The following LRIG1 variants were observed in gnomAD, a reference collection of about 807,000 sequenced individuals.
The protein encoded by LRIG1 is leucine rich repeats and immunoglobulin like domains 1.
Under a neutral mutation model 99.2 loss-of-function variants are expected in LRIG1, and 48 were observed. The ratio of observed to expected loss-of-function variants is 0.48; its 90% CI spans 0.38 to 0.62. LRIG1 has a LOEUF of 0.62. LRIG1 is among the 20% of genes least tolerant of loss of function. The probability of loss-of-function intolerance (pLI) is 0.00; values close to 1 mark genes in which losing one functional copy is unlikely to be tolerated. For missense variants in LRIG1, 1,646 were observed against 1,434.4 expected (o/e 1.15, Z -2.38); for synonymous variants, 772 against 596.1 (o/e 1.29, Z -4.30).
chr3:66,468,876 T>C (rs1023433814), intron 1 of LRIG1: 11 of 152,222 alleles, frequency 7.2e-5, no homozygotes, highest in African/African-American at 2.7e-4. Flanking sequence ...AGGAATTACA[T>C]AGTACACATC....
chr3:66,474,862 C>A (rs1212491798), intron 1 of LRIG1, among the ~76,000 whole-genome samples: 4 of 152,194 alleles, frequency 2.6e-5, no homozygotes, highest in African/African-American at 9.7e-5. Context: ...TAAAGCCAAT[C>A]ACCAGCAAAG....
chr3:66,395,054 T>C (rs1701790973), intron 11 of LRIG1, among the ~76,000 whole-genome samples: 1 of 152,244 alleles, frequency 6.6e-6, no homozygotes, highest in Admixed American at 6.5e-5. Flanking sequence ...CATTCCTTCC[T>C]GAGGAGTCAC....
At chr3:66,470,115 T>A (rs1232172848) in intron 1 of LRIG1, among the ~76,000 whole-genome samples, 1 of 152,166 alleles carries the variant, frequency 6.6e-6, no homozygotes, top group Admixed American at 6.5e-5. Context: ...CAGCTTTTCT[T>A]GAAAATAATC....
chr3:66,496,298 C>T (rs567121718), intron 1 of LRIG1, among the ~76,000 whole-genome samples: 4 of 152,214 alleles, frequency 2.6e-5, no homozygotes, highest in Non-Finnish European at 5.9e-5. Context: ...TTACATGGGG[C>T]GCTGGGAATC....
chr3:66,444,250 G>C (rs1387417268), intron 3 of LRIG1, among the ~76,000 whole-genome samples: 1 of 152,166 alleles, frequency 6.6e-6, no homozygotes, highest in African/African-American at 2.4e-5. Flanking sequence ...GGTCTGCTGG[G>C]CAGACTTGAG....
At chr3:66,415,516 A>G (rs1338955776) in intron 4 of LRIG1, among the ~76,000 whole-genome samples, 1 of 152,232 alleles carries the variant, frequency 6.6e-6, no homozygotes, top group East Asian at 1.9e-4. Flanking sequence ...TTTAGTTTTG[A>G]GGTGGGTCTT....
intron 3 of LRIG1, among the ~76,000 whole-genome samples, chr3:66,425,188 C>T (rs1462990240): frequency 6.6e-6 from 1 of 152,212 alleles, no homozygotes; most frequent in South Asian, 2.1e-4. Context: ...CTATCTAGCC[C>T]GTCCGAGAGG....
At chr3:66,405,378 G>A (rs938680416) in intron 8 of LRIG1, 100 bp from the exon 9 acceptor site, 1 of 911,274 alleles carries the variant, frequency 1.1e-6, no homozygotes, top group Admixed American at 1.9e-5. Context: ...TCCCCTGGGT[G>A]CATGCACCCT....
chr3:66,380,990 C>A, intron 17 of LRIG1, 129 bp from the exon 18 acceptor site: 1 of 849,310 alleles, frequency 1.2e-6, no homozygotes, highest in Admixed American at 2.7e-5. Flanking sequence ...ATGCATGCTT[C>A]CTCTTTTCCC....
intron 2 of LRIG1, among the ~76,000 whole-genome samples, chr3:66,452,140 C>G (rs1281987879): frequency 6.6e-6 from 1 of 151,882 alleles, no homozygotes; most frequent in African/African-American, 2.4e-5. Context: ...GGGAACTGGA[C>G]TCAGAGACTC....
At chr3:66,422,688 G>A (rs978284592) in intron 3 of LRIG1, among the ~76,000 whole-genome samples, 2 of 152,148 alleles carry the variant, frequency 1.3e-5, no homozygotes, top group Non-Finnish European at 2.9e-5. Context: ...CTGTTATCCA[G>A]TTCCAAAGTC....
rs1700877039 is a variant in LRIG1 at position 66,379,163 on chromosome 3, C to T, written c.*1100G>A. 6.6e-6 allele frequency: 1 copy of T among 152,650 alleles called. No homozygotes were observed. Among genetic ancestry groups the T allele is most frequent in the African/African-American group, 2.4e-5 (1 of 41,456 alleles). 9.5% of individuals were successfully genotyped at this position (152,650 alleles called of 1,614,324 possible). On this transcript the variant is annotated 3_prime_UTR_variant, in exon 19 of 19. Coordinates refer to ENST00000273261, the MANE Select transcript of LRIG1 (RefSeq NM_015541.3). ...TTTTACTAAATGACACATTGGCACT[C>T]ATAAGATGGTTAGCTACCAGTCTCA...
chr3:66,468,036 T>TTAA (rs1700514793), intron 1 of LRIG1, among the ~76,000 whole-genome samples: 1 of 152,202 alleles, frequency 6.6e-6, no homozygotes, highest in Non-Finnish European at 1.5e-5. Flanking sequence ...GAAGACATTC[T>TTAA]TAATAAAAAC....
intron 8 of LRIG1, chr3:66,406,094 C>T: frequency 3.0e-6 from 3 of 985,658 alleles, no homozygotes; most frequent in Non-Finnish European, 3.6e-6. Context: ...AGAAAAGGAA[C>T]TCTTGTCTCC....
At chr3:66,493,869 A>C (rs1482955166) in intron 1 of LRIG1, among the ~76,000 whole-genome samples, 2 of 150,400 alleles carry the variant, frequency 1.3e-5, no homozygotes, top group Non-Finnish European at 3.0e-5. Context: ...GAAAGGAAGA[A>C]AGACGAAGGG....
chr3:66,393,387 C>G (rs1242181723), intron 12 of LRIG1, among the ~76,000 whole-genome samples: 1 of 152,172 alleles, frequency 6.6e-6, no homozygotes, highest in Non-Finnish European at 1.5e-5. Context: ...TCTTCCTGAC[C>G]GTGAGCCTGT....
rs1243049547 is a variant in LRIG1 at position 66,446,906 on chromosome 3, A to G, written c.365+4653T>C. 6.2e-5 allele frequency among the ~76,000 whole-genome samples: 8 copies of G among 128,242 alleles called. No homozygotes were observed. In the East Asian group the frequency reaches 1.6e-3, roughly 25 times the overall value. 84.1% of individuals were successfully genotyped at this position (128,242 alleles called of 152,430 possible). A position where few individuals can be genotyped will look rare whatever the true frequency, so the allele number is the denominator to read the frequency against. On this transcript the variant is annotated intron_variant, in intron 3 of 18. Coordinates refer to ENST00000273261, the MANE Select transcript of LRIG1 (RefSeq NM_015541.3). ...TGGTTACCAGGGGCTAGGGTGAGGG[A>G]TATGAGAAGTGACTGTTGAAGGAGT...
At chr3:66,415,457 C>A (rs1219468426) in intron 4 of LRIG1, among the ~76,000 whole-genome samples, 3 of 152,192 alleles carry the variant, frequency 2.0e-5, no homozygotes, top group African/African-American at 7.2e-5. Flanking sequence ...AGCAGAAAAT[C>A]AACTGAAAGG....
At chr3:66,405,680 T>C in intron 8 of LRIG1, 1 of 1,078,060 alleles carries the variant, frequency 9.3e-7, no homozygotes. Flanking sequence ...TTTCTGGACA[T>C]GACCGAGAAA....
Sources: gnomAD v4.1 joint callset for allele counts (sites outside exome capture counted in the v4.1 genomes callset) on GRCh38, gnomAD v4.1.1 for gene constraint, MANE v1.5 for transcripts, NCBI Gene and HGNC (gene_info 2026-07-23, HGNC 2026-07-21) for gene names.